SDK1: variants seen among roughly 807,000 people sequenced by gnomAD.
SDK1 encodes the protein sidekick cell adhesion molecule 1.
A neutral mutation model predicts 245.5 loss-of-function variants in SDK1; 157 were observed. That is an observed-to-expected ratio of 0.64 (90% CI 0.56 to 0.73). The LOEUF (loss-of-function observed/expected upper bound fraction) is 0.73. SDK1 is among the 30% of genes least tolerant of loss of function. The probability of loss-of-function intolerance (pLI) is 0.00; values close to 1 mark genes in which losing one functional copy is unlikely to be tolerated. For synonymous variants in SDK1, 1,647 were observed against 1,278.5 expected, an observed-to-expected ratio of 1.29 and a Z score of -6.15; for missense variants, 3,583 against 3,002.3, an observed-to-expected ratio of 1.19 and a Z score of -4.52.
chr7:4,135,876 C>T (rs1077473), intron 28 of SDK1, among the ~76,000 whole-genome samples: 96,985 of 152,082 alleles, frequency 0.64, 31,400 homozygotes, highest in East Asian at 0.9. Context: ...GGGGGCTCAG[C>T]CTGGTCCTAG....
At chr7:3,932,175 G>T (rs2128117815) in intron 5 of SDK1, among the ~76,000 whole-genome samples, 1 of 152,300 alleles carries the variant, frequency 6.6e-6, no homozygotes, top group South Asian at 2.1e-4. Context: ...TATGTGAACA[G>T]ACTACTTATG....
chr7:4,207,946 G>C (rs902540521), intron 36 of SDK1, among the ~76,000 whole-genome samples, 153 bp from the exon 37 acceptor site: 4 of 152,108 alleles, frequency 2.6e-5, no homozygotes, highest in Non-Finnish European at 4.4e-5. Flanking sequence ...GCTTCTCCCT[G>C]ATTCCTCCAG....
At chr7:3,583,746 G>C (rs558909649) in intron 1 of SDK1, among the ~76,000 whole-genome samples, 1 of 152,312 alleles carries the variant, frequency 6.6e-6, no homozygotes, top group South Asian at 2.1e-4. Context: ...TTGGCAGGAA[G>C]ACTGCGTCCA....
At chr7:4,212,178 G>A (rs1413185283) in intron 38 of SDK1, among the ~76,000 whole-genome samples, 1 of 152,222 alleles carries the variant, frequency 6.6e-6, no homozygotes, top group Non-Finnish European at 1.5e-5. Context: ...ATTTAAAGCC[G>A]TGATAAAAGT....
chr7:4,144,558 G>C (rs1292346938), intron 28 of SDK1, among the ~76,000 whole-genome samples: 1 of 151,848 alleles, frequency 6.6e-6, no homozygotes, highest in Non-Finnish European at 1.5e-5. Context: ...GCGGGCTGGG[G>C]AGGGGTTTGT....
chr7:3,575,603 GA>G (rs1215264503), intron 1 of SDK1, among the ~76,000 whole-genome samples: 1 of 151,974 alleles, frequency 6.6e-6, no homozygotes, highest in Non-Finnish European at 1.5e-5. Flanking sequence ...AGGGAAAATC[GA>G]TCTAGAGAGA....
At chr7:3,463,861 A>C (rs190894315) in intron 1 of SDK1, among the ~76,000 whole-genome samples, 167 of 152,280 alleles carry the variant, frequency 1.1e-3, no homozygotes, top group African/African-American at 3.3e-3. Flanking sequence ...TGGAACCTGA[A>C]TTGGCTTCTT....
intron 5 of SDK1, among the ~76,000 whole-genome samples, chr7:3,845,692 CTTT>C (rs773625554): frequency 7.1e-6 from 1 of 141,728 alleles, no homozygotes; most frequent in Admixed American, 7.1e-5. Context: ...CGTGCTTCTC[CTTT>C]TTTTTTTTTT....
intron 4 of SDK1, among the ~76,000 whole-genome samples, chr7:3,676,545 TCA>T (rs1783907181): frequency 2.6e-5 from 4 of 151,974 alleles, no homozygotes; most frequent in Non-Finnish European, 4.4e-5. Context: ...CGGGATGGTC[TCA>T]ATCTCCTGAC....
chr7:3,997,085 C>G (rs1220200953), intron 14 of SDK1, among the ~76,000 whole-genome samples: 1 of 152,194 alleles, frequency 6.6e-6, no homozygotes, highest in African/African-American at 2.4e-5. Flanking sequence ...CCTTTCTAGT[C>G]AGTCTAACCC....
intron 1 of SDK1, among the ~76,000 whole-genome samples, chr7:3,502,878 C>G (rs1358420110): frequency 6.6e-6 from 1 of 152,084 alleles, no homozygotes; most frequent in South Asian, 2.1e-4. Context: ...CTGTAACATA[C>G]TTTTCTTGGC....
At chr7:3,642,230 C>T (rs961696972) in intron 4 of SDK1, 125 bp downstream of exon 4, 13 of 794,140 alleles carry the variant, frequency 1.6e-5, no homozygotes, top group Admixed American at 3.2e-5. Context: ...GTCTAGGAGT[C>T]CTATCCTAAT....
intron 7 of SDK1, among the ~76,000 whole-genome samples, chr7:3,955,709 C>G (rs1366413913): frequency 6.6e-6 from 1 of 152,220 alleles, no homozygotes; most frequent in Non-Finnish European, 1.5e-5. Flanking sequence ...CTTTGCAACT[C>G]AGAAGCCAAA....
At chr7:3,909,362 C>T (rs950621081) in intron 5 of SDK1, among the ~76,000 whole-genome samples, 9 of 152,218 alleles carry the variant, frequency 5.9e-5, no homozygotes, top group African/African-American at 1.9e-4. Context: ...TGTGCAGGCA[C>T]TGCTGTTGGC....
At chr7:3,341,538 G>A (rs929820888) in intron 1 of SDK1, among the ~76,000 whole-genome samples, 5 of 151,968 alleles carry the variant, frequency 3.3e-5, no homozygotes, top group Non-Finnish European at 7.4e-5. Context: ...CCCAGTTTAC[G>A]GATTACATCA....
chr7:3,899,106 G>A (rs931305636), intron 5 of SDK1, among the ~76,000 whole-genome samples: 2 of 152,114 alleles, frequency 1.3e-5, no homozygotes, highest in Non-Finnish European at 2.9e-5. Flanking sequence ...CTGTGATCCT[G>A]TCAGTCTTAC....
intron 4 of SDK1, among the ~76,000 whole-genome samples, chr7:3,653,036 C>G (rs1035641259): frequency 1.3e-5 from 2 of 152,204 alleles, no homozygotes; most frequent in African/African-American, 4.8e-5. Context: ...CATTCAGTGC[C>G]AAACAGTGGA....
At chr7:3,712,063 C>T (rs748500740) in intron 4 of SDK1, among the ~76,000 whole-genome samples, 10 of 152,176 alleles carry the variant, frequency 6.6e-5, no homozygotes, top group Non-Finnish European at 1.5e-4. Flanking sequence ...AAAGCAAATG[C>T]TCTACAGCAG....
intron 1 of SDK1, among the ~76,000 whole-genome samples, chr7:3,320,999 G>A (rs1024883525): frequency 6.6e-6 from 1 of 152,062 alleles, no homozygotes; most frequent in African/African-American, 2.4e-5. Flanking sequence ...GTGAAGCTCA[G>A]TTTCTGTATT....
Sources: allele counts gnomAD v4.1 joint callset (sites outside exome capture counted in the v4.1 genomes callset), GRCh38; gene constraint gnomAD v4.1.1; transcripts MANE v1.5; gene names NCBI Gene and HGNC (gene_info 2026-07-23, HGNC 2026-07-21).